The following AIM2 variants were observed in gnomAD, a reference collection of about 807,000 sequenced individuals.
The protein encoded by AIM2 is absent in melanoma 2.
In AIM2, 30 loss-of-function variants were observed where a neutral mutation model predicts 27.7. The observed-to-expected ratio is 1.08, with a 90% CI of 0.81 to 1.47. AIM2 has a LOEUF of 1.47. Among genes scored for constraint, AIM2 ranks in the 40% most tolerant of loss-of-function variants. AIM2 has a pLI of 0.00. For missense variants in AIM2, 358 were observed against 411.3 expected (o/e 0.87, Z 1.12); for synonymous variants, 141 against 145.3 (o/e 0.97, Z 0.21).
chr1:159,074,858 T>C (rs781337735), intron 1 of AIM2, among the ~76,000 whole-genome samples: 9 of 152,116 alleles, frequency 5.9e-5, no homozygotes, highest in Non-Finnish European at 1.2e-4. Flanking sequence ...ATATTTTAAA[T>C]GGGAAGATTT....
chr1:159,106,184 AGCTGCAGCTGGGTG>A (rs1448586296), intron 1 of AIM2, among the ~76,000 whole-genome samples: 2 of 152,132 alleles, frequency 1.3e-5, no homozygotes, highest in Non-Finnish European at 1.5e-5. Flanking sequence ...CTGGGTCCGG[AGCTGCAGCTGGGTG>A]GCTGCAGCCA....
intron 1 of AIM2, among the ~76,000 whole-genome samples, chr1:159,131,173 C>T (rs1362425796): frequency 1.3e-5 from 2 of 152,162 alleles, no homozygotes; most frequent in Non-Finnish European, 2.9e-5. Flanking sequence ...AGAACCATGC[C>T]TGTCTTATTC....
chr1:159,078,617 G>A (rs1656695347), upstream of AIM2, among the ~76,000 whole-genome samples: 1 of 152,164 alleles, frequency 6.6e-6, no homozygotes, highest in South Asian at 2.1e-4. Context: ...GTACACTGCT[G>A]CACCTGGGGC....
At chr1:159,109,956 G>T (rs186599630) in intron 1 of AIM2, among the ~76,000 whole-genome samples, 5 of 152,306 alleles carry the variant, frequency 3.3e-5, no homozygotes, top group Admixed American at 3.3e-4. Context: ...TACGCTGCTG[G>T]TGGGAATGTA....
intron 1 of AIM2, among the ~76,000 whole-genome samples, chr1:159,113,869 T>G (rs1288367569): frequency 6.6e-6 from 1 of 152,190 alleles, no homozygotes; most frequent in African/African-American, 2.4e-5. Flanking sequence ...CAGGAAGAAG[T>G]GCTACTGGCT....
intron 1 of AIM2, among the ~76,000 whole-genome samples, chr1:159,121,730 A>G (rs529483919): frequency 6.6e-6 from 1 of 152,344 alleles, no homozygotes; most frequent in African/African-American, 2.4e-5. Flanking sequence ...TTGGAAAGTC[A>G]GAACTAAACA....
chr1:159,094,942 A>C lies in AIM2; in HGVS notation c.-15-28613T>G, dbSNP rs117895812. ...GTAAAAAAAAACCCTGAATATCAAAAAAATTATTATTTCTTTTATTAAGCC... is the reference window on the plus strand; with the variant it reads ...GTAAAAAAAAACCCTGAATATCAAACAAATTATTATTTCTTTTATTAAGCC... On this transcript the variant is annotated intron_variant, in intron 1 of 2. Coordinates refer to the AIM2 transcript ENST00000368129. Among the ~76,000 whole-genome samples the C allele has an allele frequency of 7.7e-3, 1,176 of 152,288 alleles. 32 individuals carry two copies. The highest frequency in any genetic ancestry group is 0.045 in the Admixed American group (686 of 15,276).
intron 1 of AIM2, among the ~76,000 whole-genome samples, chr1:159,085,158 T>G (rs1656877969): frequency 1.3e-5 from 2 of 152,098 alleles, no homozygotes; most frequent in Admixed American, 6.5e-5. Context: ...AGAGCCAGGT[T>G]CTCATGTTGA....
At chr1:159,128,620 G>T (rs1242508717) in intron 1 of AIM2, among the ~76,000 whole-genome samples, 1 of 151,824 alleles carries the variant, frequency 6.6e-6, no homozygotes, top group African/African-American at 2.4e-5. Flanking sequence ...CTCTGCCTTT[G>T]TCCTTCCTTC....
chr1:159,090,061 A>G (rs1287283537), intron 1 of AIM2, among the ~76,000 whole-genome samples: 2 of 152,216 alleles, frequency 1.3e-5, no homozygotes, highest in Admixed American at 1.3e-4. Context: ...GTTCAAGGTC[A>G]CAGCCTTCTT....
At chr1:159,056,216 T>C in the AIM2 span, among the ~76,000 whole-genome samples, 1 of 152,174 alleles carries the variant, frequency 6.6e-6, no homozygotes, top group South Asian at 2.1e-4. Context: ...GCTTGTGGGC[T>C]TCCCACCTGG....
downstream of AIM2, among the ~76,000 whole-genome samples, chr1:159,059,846 T>C (rs1655773693): frequency 6.6e-6 from 1 of 152,218 alleles, no homozygotes; most frequent in African/African-American, 2.4e-5. Flanking sequence ...CTTCAATAGC[T>C]TCATCCTCTA....
At chr1:159,138,069 G>A (rs1648044939) in intron 1 of AIM2, among the ~76,000 whole-genome samples, 1 of 152,010 alleles carries the variant, frequency 6.6e-6, no homozygotes, top group Non-Finnish European at 1.5e-5. Context: ...GTATTATATT[G>A]ATTAGTTTTC....
chr1:159,091,519 G>GA (rs1425142371), intron 1 of AIM2, among the ~76,000 whole-genome samples: 2 of 152,206 alleles, frequency 1.3e-5, no homozygotes, highest in Non-Finnish European at 2.9e-5. Context: ...TTATATGCTT[G>GA]AGGATGGCCA....
chr1:159,122,901 T>C (rs1456674560), intron 1 of AIM2, among the ~76,000 whole-genome samples: 1 of 152,232 alleles, frequency 6.6e-6, no homozygotes, highest in Non-Finnish European at 1.5e-5. Flanking sequence ...CTTAGATGTC[T>C]ACAGTTGTGT....
intron 3 of AIM2, among the ~76,000 whole-genome samples, 197 bp from the exon 4 acceptor site, chr1:159,066,526 C>A (rs746407697): frequency 9.9e-5 from 15 of 152,160 alleles, no homozygotes; most frequent in Non-Finnish European, 1.9e-4. Flanking sequence ...AGGAAGATTT[C>A]GACTCCTGTA....
At chr1:159,124,616 T>A (rs1282649232) in intron 1 of AIM2, among the ~76,000 whole-genome samples, 1 of 152,254 alleles carries the variant, frequency 6.6e-6, no homozygotes, top group Non-Finnish European at 1.5e-5. Flanking sequence ...TTTCTTCATG[T>A]GGCATGACGA....
rs1222643952 is a variant in AIM2, at chr1:159,110,936, C to G, written c.-16+29495G>C. ...AGAGTGTGGGACTCTTGCAACATCA[C>G]ATTCCATTTACCATCTAGGGAATTA... On this transcript the variant is annotated intron_variant, in intron 1 of 2. Transcript: ENST00000368129. 2.0e-5 allele frequency among the ~76,000 whole-genome samples: 3 copies of G among 152,096 alleles called. No homozygotes were observed. In the East Asian group the frequency reaches 5.8e-4, roughly 29 times the overall value.
intron 1 of AIM2, among the ~76,000 whole-genome samples, chr1:159,129,411 C>A (rs1444509713): frequency 1.3e-5 from 2 of 152,200 alleles, no homozygotes; most frequent in Non-Finnish European, 2.9e-5. Context: ...CCTGCTCTAT[C>A]CACCTTCTCT....
Sources: allele counts gnomAD v4.1 joint callset (sites outside exome capture counted in the v4.1 genomes callset), GRCh38; gene constraint gnomAD v4.1.1; transcripts MANE v1.5; gene names NCBI Gene and HGNC (gene_info 2026-07-23, HGNC 2026-07-21).